The following EPM2A variants were observed in gnomAD, a reference collection of about 807,000 sequenced individuals.
EPM2A encodes laforin.
EPM2A carries 21 observed loss-of-function variants against 26.5 expected under a neutral mutation model. That is an observed-to-expected ratio of 0.79 (90% CI 0.56 to 1.14). The LOEUF (loss-of-function observed/expected upper bound fraction) is 1.14. EPM2A is among the 50% of genes most tolerant of loss of function. The pLI, the probability that EPM2A is intolerant of heterozygous loss-of-function variation, is 0.00. For synonymous variants in EPM2A, 217 were observed against 177.6 expected (o/e 1.22, Z -1.76); for missense variants, 458 against 440.8 (o/e 1.04, Z -0.35).
At chr6:145,697,029 G>T (rs1179675976) in intron 1 of EPM2A, among the ~76,000 whole-genome samples, 2 of 152,006 alleles carry the variant, frequency 1.3e-5, no homozygotes, top group African/African-American at 4.8e-5. Context: ...AACTCAGTGG[G>T]CTCATAACTT....
intron 2 of EPM2A, among the ~76,000 whole-genome samples, chr6:145,576,767 G>T (rs1781037719): frequency 6.6e-6 from 1 of 151,960 alleles, no homozygotes; most frequent in African/African-American, 2.4e-5. Flanking sequence ...AACTTGTTGT[G>T]TAAAACATTC....
chr6:145,505,586 G>T (rs1779960911), intron 2 of EPM2A, among the ~76,000 whole-genome samples: 1 of 151,950 alleles, frequency 6.6e-6, no homozygotes, highest in Non-Finnish European at 1.5e-5. Context: ...TTCACTGGTT[G>T]TCCCAGTAAC....
chr6:145,686,409 T>A, intron 1 of EPM2A, 113 bp from the exon 2 acceptor site: 2 of 813,380 alleles, frequency 2.5e-6, no homozygotes, highest in Non-Finnish European at 4.1e-6. Flanking sequence ...TAAAGCTACT[T>A]AATCTACACA....
intron 4 of EPM2A, among the ~76,000 whole-genome samples, chr6:145,486,707 T>C (rs922578528): frequency 6.6e-6 from 1 of 152,180 alleles, no homozygotes; most frequent in African/African-American, 2.4e-5. Context: ...TCATGCAGTA[T>C]TTTTCTCTGT....
At chr6:145,560,289 G>C (rs1428003844) in intron 2 of EPM2A, among the ~76,000 whole-genome samples, 1 of 152,070 alleles carries the variant, frequency 6.6e-6, no homozygotes, top group Non-Finnish European at 1.5e-5. Context: ...CCAATCATCA[G>C]AAATGTCTCA....
intron 4 of EPM2A, among the ~76,000 whole-genome samples, chr6:145,431,190 G>C (rs894525217): frequency 2.6e-5 from 4 of 152,152 alleles, no homozygotes; most frequent in African/African-American, 7.2e-5. Context: ...CTGTTTTACA[G>C]ACCAGGGTCA....
chr6:145,643,029 C>T (rs192305611), intron 2 of EPM2A, among the ~76,000 whole-genome samples: 3 of 152,040 alleles, frequency 2.0e-5, no homozygotes, highest in Non-Finnish European at 2.9e-5. Flanking sequence ...GAAGACCTTT[C>T]GGATGGTGAT....
chr6:145,516,826 C>A (rs1011966909), intron 2 of EPM2A, among the ~76,000 whole-genome samples: 2 of 152,148 alleles, frequency 1.3e-5, no homozygotes, highest in Non-Finnish European at 2.9e-5. Flanking sequence ...ACCATATAAT[C>A]CAGCAATCCC....
chr6:145,520,969 T>C (rs1780195096), intron 2 of EPM2A, among the ~76,000 whole-genome samples: 1 of 152,154 alleles, frequency 6.6e-6, no homozygotes. Flanking sequence ...TAATTTTAAA[T>C]ATAGAGAATT....
intron 2 of EPM2A, among the ~76,000 whole-genome samples, chr6:145,600,991 G>A (rs1781410183): frequency 6.6e-6 from 1 of 152,238 alleles, no homozygotes; most frequent in Middle Eastern, 3.2e-3. Context: ...AGGTTGGGGG[G>A]AGGCAGATGA....
chr6:145,553,626 A>G (rs996084899), intron 2 of EPM2A, among the ~76,000 whole-genome samples: 42 of 151,902 alleles, frequency 2.8e-4, no homozygotes, highest in Admixed American at 1.1e-3. Context: ...CAGAGCTAGC[A>G]TTTCACATCA....
In EPM2A at chr6:145,610,957, C is replaced by T. The variant is rs192831234; in HGVS notation, c.340+24288G>A. Among the ~76,000 whole-genome samples the T allele has an allele frequency of 2.0e-5, 3 of 152,312 alleles. No homozygotes were observed. The East Asian group carries it at 5.8e-4, about 29-fold the overall frequency. On this transcript the variant is annotated intron_variant, in intron 2 of 3. Coordinates refer to the EPM2A transcript ENST00000450221. ...CCCTAAATTATTTTCATTTGAACTA[C>T]TACTAAACCAGTTTGCTTCCTTTTT...
rs1245880400 is a variant in EPM2A, at chr6:145,411,848, T to G, written c.556-27751A>C. 3.3e-5 allele frequency among the ~76,000 whole-genome samples: 5 copies of G among 152,294 alleles called. No individual in the cohort carries two copies. The South Asian group carries it at 8.3e-4, about 25-fold the overall frequency. On this transcript the variant is annotated intron_variant, in intron 4 of 4. Coordinates refer to the EPM2A transcript ENST00000638717. ...ATGTGAAATCAGCCTCTCGGCCCTT[T>G]TTACAATAGTAGGTATAGAGCAAGG...
intron 2 of EPM2A, among the ~76,000 whole-genome samples, chr6:145,586,712 TA>T (rs1375912547): frequency 6.6e-6 from 1 of 152,138 alleles, no homozygotes; most frequent in Non-Finnish European, 1.5e-5. Flanking sequence ...CCTATTTAGT[TA>T]ATAGTAGTTT....
chr6:145,454,653 C>A (rs1779237394), intron 4 of EPM2A, among the ~76,000 whole-genome samples: 1 of 152,132 alleles, frequency 6.6e-6, no homozygotes, highest in Non-Finnish European at 1.5e-5. Flanking sequence ...GAGAAAAATT[C>A]TTCTTTGATT....
chr6:145,533,206 C>T (rs1158322234), intron 2 of EPM2A, among the ~76,000 whole-genome samples: 5 of 152,054 alleles, frequency 3.3e-5, no homozygotes, highest in Non-Finnish European at 7.4e-5. Context: ...GTTTCTTCTC[C>T]CTCTATTTCT....
At chr6:145,437,164 TAGTGAGTG>T (rs1209628387) in intron 4 of EPM2A, among the ~76,000 whole-genome samples, 1 of 152,122 alleles carries the variant, frequency 6.6e-6, no homozygotes, top group Non-Finnish European at 1.5e-5. Context: ...ATTCTCATGA[TAGTGAGTG>T]AGTTCTCATG....
intron 1 of EPM2A, among the ~76,000 whole-genome samples, chr6:145,693,048 T>A (rs527905326): frequency 6.6e-6 from 1 of 152,044 alleles, no homozygotes; most frequent in East Asian, 1.9e-4. Context: ...TCAAGGAGCA[T>A]AGAATATTTT....
At chr6:145,633,718 T>C (rs7772717) in intron 3 of EPM2A, 55,403 of 152,034 alleles carry the variant, frequency 0.36, 10,619 homozygotes, top group South Asian at 0.51. Flanking sequence ...ACAAGCTACT[T>C]CCCTTGCAAT....
Sources: allele counts gnomAD v4.1 joint callset (sites outside exome capture counted in the v4.1 genomes callset), GRCh38; gene constraint gnomAD v4.1.1; transcripts MANE v1.5; gene names NCBI Gene and HGNC (gene_info 2026-07-23, HGNC 2026-07-21).